Variants in ASCC2 observed in about 807,000 individuals in gnomAD.
The protein encoded by ASCC2 is activating signal cointegrator 1 complex subunit 2.
A neutral mutation model predicts 93.5 loss-of-function variants in ASCC2; 42 were observed. The ratio of observed to expected loss-of-function variants is 0.45; its 90% CI spans 0.35 to 0.58. The LOEUF (loss-of-function observed/expected upper bound fraction) is 0.58. Among genes scored for constraint, ASCC2 ranks in the 20% least tolerant of loss-of-function variants. The pLI, the probability that ASCC2 is intolerant of heterozygous loss-of-function variation, is 0.00. For synonymous variants in ASCC2, 364 were observed against 384.2 expected (o/e 0.95, Z 0.62); for missense variants, 859 against 977.6 (o/e 0.88, Z 1.62).
At chr22:29,808,806 T>C (rs1238637374) in intron 8 of ASCC2, among the ~76,000 whole-genome samples, 3 of 128,884 alleles carry the variant, frequency 2.3e-5, no homozygotes, top group Non-Finnish European at 3.1e-5. Context: ...TGAGACCCTA[T>C]CTCAAAAAAA....
intron 15 of ASCC2, among the ~76,000 whole-genome samples, chr22:29,798,464 GGAAGTAGCCTGACCAC>G (rs1336388357): frequency 1.3e-5 from 2 of 152,124 alleles, no homozygotes; most frequent in Non-Finnish European, 2.9e-5. Flanking sequence ...CAGCCTCAAA[GGAAGTAGCCTGACCAC>G]GAAGTGAGGC....
At chr22:29,815,976 C>T (rs1397761497) in intron 6 of ASCC2, 30 bp downstream of exon 6, 12 of 1,551,054 alleles carry the variant, frequency 7.7e-6, no homozygotes, top group Non-Finnish European at 4.4e-6. Flanking sequence ...CCAAGCTCAA[C>T]CTCCCCTGCG....
intron 9 of ASCC2, among the ~76,000 whole-genome samples, chr22:29,807,437 C>T (rs1357729951): frequency 6.6e-6 from 1 of 151,992 alleles, no homozygotes; most frequent in Non-Finnish European, 1.5e-5. Flanking sequence ...AACGGTGGGT[C>T]AGGAACCAGC....
chr22:29,825,307 G>C lies in ASCC2; in HGVS notation c.241-50C>G. Reference sequence around the variant, plus strand: ...GAGGATTTATCCCTTAGGCCCCAGGGGCTTGTGGGTGGACTGTGCAGGGAC... The same window carrying C: ...GAGGATTTATCCCTTAGGCCCCAGGCGCTTGTGGGTGGACTGTGCAGGGAC... On this transcript the variant is annotated intron_variant, in intron 3 of 19. Coordinates refer to ENST00000307790, the MANE Select transcript of ASCC2 (RefSeq NM_032204.5). The surrounding 1 kb of genome is among the most constrained non-coding windows in gnomAD (Gnocchi z 4.9). The C allele has an allele frequency of 6.7e-7, 1 of 1,499,868 alleles. No individual in the cohort carries two copies. Among genetic ancestry groups the C allele is most frequent in the South Asian group, 1.4e-5 (1 of 73,416 alleles). The allele number at this position is 1,499,868 out of a possible 1,614,324, so 92.9% of individuals were successfully genotyped here. A position where few individuals can be genotyped will look rare whatever the true frequency, so the allele number is the denominator to read the frequency against.
Position 29,825,407 on chromosome 22 carries a change from G to A in ASCC2, c.241-150C>T. The A allele has an allele frequency of 8.4e-7, 1 of 1,184,788 alleles. No individual in the cohort carries two copies. Among genetic ancestry groups the A allele is most frequent in the Non-Finnish European group, 1.2e-6 (1 of 845,720 alleles). The allele number at this position is 1,184,788 out of a possible 1,614,324, so 73.4% of individuals were successfully genotyped here. A position where few individuals can be genotyped will look rare whatever the true frequency, so the allele number is the denominator to read the frequency against. On this transcript the variant is annotated intron_variant, in intron 3 of 19. Transcript: ENST00000307790. The surrounding 1 kb of genome is among the most constrained non-coding windows in gnomAD (Gnocchi z 4.9). ...CCAAGGAGGTATGAATGAGCCAAGG[G>A]CTAAACACAAGATTCTAAAATTGAC...
chr22:29,836,802 C>A (rs572358261), intron 1 of ASCC2, among the ~76,000 whole-genome samples: 8 of 152,302 alleles, frequency 5.3e-5, no homozygotes, highest in African/African-American at 1.7e-4. Context: ...ATCCGCCCGC[C>A]TTGGCTTCCC....
In ASCC2 at chr22:29,816,053, G is replaced by A; in HGVS notation, c.562C>T (p.Pro188Ser). ...TCATCCAGGTCACTGTAGTAACTTG[G>A]CTGCTGTGTAAAGATGTTTCCTAAA... ...KMIGNIFTQQPSYYSDLDETL... is the reference protein window; with the variant it reads ...KMIGNIFTQQSSYYSDLDETL... The change falls in exon 6 of 20, where the codon CCA becomes TCA. Residue 188 changes from proline (P) to serine (S), a missense_variant. Pro to Ser is a moderately conservative substitution (Grantham distance 74). Coordinates refer to ENST00000307790, the MANE Select transcript of ASCC2 (RefSeq NM_032204.5). 3.1e-6 allele frequency: 5 copies of A among 1,599,130 alleles called. No homozygotes were observed. The highest frequency in any genetic ancestry group is 4.3e-6 in the Non-Finnish European group (5 of 1,172,332).
chr22:29,835,951 G>C (rs560153314), intron 1 of ASCC2, among the ~76,000 whole-genome samples: 1 of 152,098 alleles, frequency 6.6e-6, no homozygotes, highest in Non-Finnish European at 1.5e-5. Flanking sequence ...TGGGGGAAAA[G>C]GTGACATTCC....
intron 5 of ASCC2, among the ~76,000 whole-genome samples, chr22:29,820,368 C>T (rs1569413504): frequency 6.6e-6 from 1 of 151,710 alleles, no homozygotes; most frequent in Non-Finnish European, 1.5e-5. Flanking sequence ...TTCACTATGT[C>T]GGCCAGATTG....
intron 4 of ASCC2, among the ~76,000 whole-genome samples, chr22:29,824,743 G>GA (rs60229316): frequency 0.12 from 17,473 of 147,800 alleles, 1,517 homozygotes; most frequent in African/African-American, 0.25. Flanking sequence ...TTAAAGTCAG[G>GA]AAAAAAAAAA....
At chr22:29,790,666 G>T in intron 18 of ASCC2, 118 bp from the exon 19 acceptor site, 1 of 1,066,644 alleles carries the variant, frequency 9.4e-7, no homozygotes, top group Non-Finnish European at 1.4e-6. Flanking sequence ...GTGGGGGGAA[G>T]CTGCAGCCTG....
intron 7 of ASCC2, among the ~76,000 whole-genome samples, chr22:29,814,061 G>A (rs1370943077): frequency 6.6e-6 from 1 of 152,214 alleles, no homozygotes; most frequent in Non-Finnish European, 1.5e-5. Flanking sequence ...GGTTCCGAGA[G>A]GTAAAATGAT....
intron 9 of ASCC2, 146 bp from the exon 10 acceptor site, chr22:29,807,050 A>T: frequency 1.6e-6 from 1 of 614,566 alleles, no homozygotes. Context: ...GACCAGCCTG[A>T]GCAACTAAGT....
chr22:29,830,245 G>C (rs1208026942), intron 2 of ASCC2, among the ~76,000 whole-genome samples: 1 of 152,202 alleles, frequency 6.6e-6, no homozygotes. Flanking sequence ...CTGCAAAGCT[G>C]GTCCTATTAT....
chr22:29,819,665 A>G (rs978461630), intron 5 of ASCC2, among the ~76,000 whole-genome samples: 1 of 152,170 alleles, frequency 6.6e-6, no homozygotes, highest in African/African-American at 2.4e-5. Flanking sequence ...CCACTCCCCA[A>G]GTGCTAAAGC....
intron 1 of ASCC2, among the ~76,000 whole-genome samples, chr22:29,835,084 AG>A (rs2063611837): frequency 3.3e-5 from 5 of 152,216 alleles, no homozygotes; most frequent in African/African-American, 1.2e-4. Flanking sequence ...CTAGACAGGT[AG>A]AGACAGCATT....
chr22:29,788,928 G>T lies in ASCC2; in HGVS notation c.*85C>A. 1 of 1,556,986 alleles carries T rather than the reference G, an allele frequency of 6.4e-7. No individual in the cohort carries two copies. The highest frequency in any genetic ancestry group is 8.8e-7 in the Non-Finnish European group (1 of 1,140,046). ...GTTGAGGGGTTGAGTTGAACTTGGGGCCCCTAGTGAGGAGGCCCCAGGCGA... is the reference window on the plus strand; with the variant it reads ...GTTGAGGGGTTGAGTTGAACTTGGGTCCCCTAGTGAGGAGGCCCCAGGCGA... On this transcript the variant is annotated 3_prime_UTR_variant, in exon 20 of 20. Coordinates refer to ENST00000307790, the MANE Select transcript of ASCC2 (RefSeq NM_032204.5).
intron 6 of ASCC2, 118 bp from the exon 7 acceptor site, chr22:29,814,885 T>C (rs2049440704): frequency 4.0e-6 from 3 of 741,678 alleles, no homozygotes; most frequent in Non-Finnish European, 6.7e-6. Flanking sequence ...TATTTACCCA[T>C]GTTTCCAGGA....
intron 4 of ASCC2, among the ~76,000 whole-genome samples, chr22:29,823,349 T>C (rs193109524): frequency 8.5e-5 from 13 of 152,268 alleles, no homozygotes; most frequent in Admixed American, 7.9e-4. Context: ...CATTCTCCCT[T>C]TTAATGTAAA....
Sources: allele counts gnomAD v4.1 joint callset (sites outside exome capture counted in the v4.1 genomes callset), GRCh38; gene constraint gnomAD v4.1.1; non-coding constraint Gnocchi (gnomAD v3.1); transcripts MANE v1.5; gene names NCBI Gene and HGNC (gene_info 2026-07-23, HGNC 2026-07-21).